The following ANKRD55 variants were observed in gnomAD, a reference collection of about 807,000 sequenced individuals.
The protein encoded by ANKRD55 is ankyrin repeat domain-containing protein 55.
In ANKRD55, 41 loss-of-function variants were observed where a neutral mutation model predicts 60.6. The ratio of observed to expected loss-of-function variants is 0.68; its 90% CI spans 0.53 to 0.88. The LOEUF (loss-of-function observed/expected upper bound fraction) is 0.88, where lower values mean the gene tolerates loss of function less well. Ranked by LOEUF, ANKRD55 falls within the 40% of genes least tolerant of loss-of-function variation. The probability of loss-of-function intolerance (pLI) is 0.00; values close to 1 mark genes in which losing one functional copy is unlikely to be tolerated. For synonymous variants in ANKRD55, 264 were observed against 290.3 expected, an observed-to-expected ratio of 0.91 and a Z score of 0.92; for missense variants, 732 against 767.6, an observed-to-expected ratio of 0.95 and a Z score of 0.55.
intron 2 of ANKRD55, among the ~76,000 whole-genome samples, chr5:56,189,543 C>T (rs1581011007): frequency 6.6e-6 from 1 of 152,294 alleles, no homozygotes; most frequent in East Asian, 1.9e-4. Context: ...AATTTGACTA[C>T]TAAAGGCACC....
chr5:56,112,739 G>C (rs1756770740), intron 9 of ANKRD55, among the ~76,000 whole-genome samples: 1 of 152,146 alleles, frequency 6.6e-6, no homozygotes, highest in South Asian at 2.1e-4. Flanking sequence ...GGCTCCAATT[G>C]ACTTAATGCT....
At chr5:56,155,327 A>G (rs534464647) in intron 6 of ANKRD55, among the ~76,000 whole-genome samples, 43 of 152,314 alleles carry the variant, frequency 2.8e-4, no homozygotes, top group African/African-American at 8.7e-4. Flanking sequence ...CAGATTGGTT[A>G]TTTCAAAGTT....
At chr5:56,160,327 C>T (rs1273525313) in intron 5 of ANKRD55, among the ~76,000 whole-genome samples, 1 of 152,240 alleles carries the variant, frequency 6.6e-6, no homozygotes, top group African/African-American at 2.4e-5. Flanking sequence ...CAAGCTCCGC[C>T]TCCCGGATTA....
At chr5:56,203,705 T>C (rs541502901) in intron 2 of ANKRD55, among the ~76,000 whole-genome samples, 1 of 152,332 alleles carries the variant, frequency 6.6e-6, no homozygotes, top group East Asian at 1.9e-4. Flanking sequence ...ATGGTGTATA[T>C]GTGCCACATT....
chr5:56,111,354 T>C lies in ANKRD55; in HGVS notation c.1394A>G (p.His465Arg). The change falls in exon 10 of 12, where the codon CAT becomes CGT. Residue 465 changes from histidine to arginine, a missense_variant. By Grantham distance (29) the His-to-Arg change is conservative. This residue lies in a region of ANKRD55 where 597 missense variants were observed against 607.5 expected (regional missense o/e 0.98). Coordinates refer to ENST00000341048, the MANE Select transcript of ANKRD55 (RefSeq NM_024669.3). ...SHAGLSSAPHHMAQRSQKSRS... is the reference protein window; with the variant it reads ...SHAGLSSAPHRMAQRSQKSRS... Reference sequence around the variant, plus strand: ...ACTTTTCTGAGATCGCTGGGCCATATGATGAGGAGCAGAGCTCAGGCCTGC... The same window carrying C: ...ACTTTTCTGAGATCGCTGGGCCATACGATGAGGAGCAGAGCTCAGGCCTGC... 7 of 1,614,122 alleles carry C rather than the reference T, an allele frequency of 4.3e-6. No individual in the cohort carries two copies. Among genetic ancestry groups the C allele is most frequent in the Non-Finnish European group, 5.9e-6 (7 of 1,180,032 alleles).
chr5:56,154,230 C>G (rs10077742), intron 6 of ANKRD55, among the ~76,000 whole-genome samples: 5 of 135,166 alleles, frequency 3.7e-5, no homozygotes, highest in African/African-American at 1.4e-4. Flanking sequence ...AAAAAAGTTG[C>G]AGAACACATA....
intron 8 of ANKRD55, among the ~76,000 whole-genome samples, chr5:56,118,265 G>T (rs921824999): frequency 6.6e-6 from 1 of 152,172 alleles, no homozygotes; most frequent in African/African-American, 2.4e-5. Flanking sequence ...GCCATAGGCT[G>T]GGAGAAAATA....
chr5:56,192,881 GC>G, intron 2 of ANKRD55: 1 of 646,226 alleles, frequency 1.5e-6, no homozygotes, highest in Admixed American at 2.5e-5. Flanking sequence ...AGCTACATGG[GC>G]CCAGCGTTGT....
chr5:56,201,282 G>T (rs893691966), intron 2 of ANKRD55, among the ~76,000 whole-genome samples: 1 of 152,110 alleles, frequency 6.6e-6, no homozygotes, highest in Non-Finnish European at 1.5e-5. Flanking sequence ...ACTGCACCAC[G>T]ATGGCTTCAT....
At chr5:56,171,081 T>A (rs1758603552) in intron 4 of ANKRD55, among the ~76,000 whole-genome samples, 1 of 152,102 alleles carries the variant, frequency 6.6e-6, no homozygotes, top group East Asian at 1.9e-4. Flanking sequence ...CTAGGGCCAC[T>A]CACTGGTATT....
At chr5:56,208,781 T>C (rs1759582289) in intron 2 of ANKRD55, among the ~76,000 whole-genome samples, 1 of 152,120 alleles carries the variant, frequency 6.6e-6, no homozygotes, top group African/African-American at 2.4e-5. Context: ...ACCAGCATCA[T>C]CACAAACACC....
intron 8 of ANKRD55, among the ~76,000 whole-genome samples, chr5:56,118,776 T>C (rs1298181887): frequency 6.6e-6 from 1 of 152,098 alleles, no homozygotes; most frequent in Non-Finnish European, 1.5e-5. Flanking sequence ...AATAAGCACA[T>C]GAAGAGGTAC....
intron 7 of ANKRD55, among the ~76,000 whole-genome samples, chr5:56,132,833 A>G (rs1341951145): frequency 6.6e-6 from 1 of 152,198 alleles, no homozygotes; most frequent in Non-Finnish European, 1.5e-5. Context: ...AAGATTTACC[A>G]TGAAAACACT....
rs567941731 is a variant in ANKRD55 at position 56,209,567 on chromosome 5, C to T, written c.58+23289G>A. 4.6e-5 allele frequency among the ~76,000 whole-genome samples: 7 copies of T among 151,470 alleles called. No homozygotes were observed. In the South Asian group the frequency reaches 6.3e-4, roughly 14 times the overall value. Reference sequence around the variant, plus strand: ...CTGCAAGCTCCGCCTCCTGGGTTCACGCCATTCTCCTGCCTCAGCCTTCCG... The same window carrying T: ...CTGCAAGCTCCGCCTCCTGGGTTCATGCCATTCTCCTGCCTCAGCCTTCCG... On this transcript the variant is annotated intron_variant, in intron 2 of 11. Transcript: ENST00000341048.
intron 3 of ANKRD55, among the ~76,000 whole-genome samples, chr5:56,181,445 C>T (rs1312883299): frequency 6.6e-6 from 1 of 151,926 alleles, no homozygotes; most frequent in Non-Finnish European, 1.5e-5. Context: ...TTGTCTAAAG[C>T]TTTTTTTGTA....
chr5:56,150,146 C>T (rs1758004460), intron 6 of ANKRD55, among the ~76,000 whole-genome samples: 1 of 152,078 alleles, frequency 6.6e-6, no homozygotes. Flanking sequence ...GGCCTATTTT[C>T]ACTAACTTCT....
At chr5:56,193,001 C>G in intron 2 of ANKRD55, 1 of 964,562 alleles carries the variant, frequency 1.0e-6, no homozygotes, top group Non-Finnish European at 1.5e-6. Flanking sequence ...TAAACCTTTT[C>G]AGTATGTTCA....
chr5:56,111,511 TG>T lies in ANKRD55; in HGVS notation c.1236del (p.Asp412GlufsTer36), dbSNP rs1445292083. On this transcript the variant is annotated frameshift_variant, in exon 10 of 12. Coordinates refer to ENST00000341048, the MANE Select transcript of ANKRD55 (RefSeq NM_024669.3). LOFTEE classifies it high-confidence loss of function. The part of the protein sequence containing the change: ...AMVEFKKKTS[D>X]NSKYLLPEKK... ...TTTTCTGGTAAGAGATATTTTGAATTGTCTGAGGTTTTCTTCTTAAATTCAA... is the reference window on the plus strand; with the variant it reads ...TTTTCTGGTAAGAGATATTTTGAATTTCTGAGGTTTTCTTCTTAAATTCAA... 1.6e-5 allele frequency: 26 copies of T among 1,614,036 alleles called. No homozygotes were observed. The highest frequency in any genetic ancestry group is 2.0e-5 in the Non-Finnish European group (24 of 1,180,042).
At chr5:56,104,608 T>C (rs1010646950) in intron 10 of ANKRD55, among the ~76,000 whole-genome samples, 2 of 151,942 alleles carry the variant, frequency 1.3e-5, no homozygotes, top group Non-Finnish European at 2.9e-5. Context: ...AAAAAAAGGA[T>C]AGGAAATGTT....
Sources: allele counts gnomAD v4.1 joint callset (sites outside exome capture counted in the v4.1 genomes callset), GRCh38; gene constraint gnomAD v4.1.1; regional missense constraint gnomAD v4.1.1; transcripts MANE v1.5; gene names NCBI Gene and HGNC (gene_info 2026-07-23, HGNC 2026-07-21).